The following CHODL variants were observed in gnomAD, a reference collection of about 807,000 sequenced individuals.
CHODL encodes the protein transmembrane protein MT75.
A neutral mutation model predicts 34.5 loss-of-function variants in CHODL; 29 were observed. The observed-to-expected ratio is 0.84, with a 90% confidence interval of 0.63 to 1.15. The LOEUF is 1.15. CHODL is among the 50% of genes most tolerant of loss of function. The pLI is 0.00. For missense variants in CHODL, 332 were observed against 332.5 expected, an observed-to-expected ratio of 1.00 and a Z score of 0.01; for synonymous variants, 125 against 116.1, an observed-to-expected ratio of 1.08 and a Z score of -0.49.
chr21:18,078,209 G>C (rs2064889955), intron 2 of CHODL, among the ~76,000 whole-genome samples: 1 of 152,086 alleles, frequency 6.6e-6, no homozygotes, highest in Non-Finnish European at 1.5e-5. Context: ...GAGGGTTGAG[G>C]GACTCACAGT....
chr21:18,028,984 A>G (rs1237150439), intron 2 of CHODL, among the ~76,000 whole-genome samples: 1 of 152,164 alleles, frequency 6.6e-6, no homozygotes, highest in African/African-American at 2.4e-5. Flanking sequence ...CTGGTTTAGA[A>G]TTGCACATGA....
At chr21:18,058,601 A>G (rs548825494) in intron 2 of CHODL, among the ~76,000 whole-genome samples, 1 of 152,302 alleles carries the variant, frequency 6.6e-6, no homozygotes, top group East Asian at 1.9e-4. Context: ...AGACAAATAA[A>G]TACCACAAGT....
At chr21:17,977,930 A>AAAAAAAAAAAAG (rs1157454717) in intron 1 of CHODL, among the ~76,000 whole-genome samples, 8 of 149,430 alleles carry the variant, frequency 5.4e-5, no homozygotes, top group African/African-American at 1.7e-4. Flanking sequence ...AAAAAAAAAA[A>AAAAAAAAAAAAG]AAAAGAAAAA....
intron 2 of CHODL, among the ~76,000 whole-genome samples, chr21:18,028,200 T>C (rs1416917546): frequency 6.8e-6 from 1 of 146,710 alleles, no homozygotes; most frequent in Non-Finnish European, 1.5e-5. Context: ...ATTATTTCCT[T>C]TAGCTCTTCC....
intron 2 of CHODL, among the ~76,000 whole-genome samples, chr21:18,236,910 GC>G (rs1351383909): frequency 6.6e-6 from 1 of 151,994 alleles, no homozygotes; most frequent in Non-Finnish European, 1.5e-5. Context: ...TTCCTAGTGT[GC>G]AAGACACTGT....
chr21:18,199,489 A>T (rs1026453897), intron 2 of CHODL, among the ~76,000 whole-genome samples: 2 of 152,122 alleles, frequency 1.3e-5, no homozygotes, highest in African/African-American at 2.4e-5. Context: ...ACTATGAACT[A>T]AAATCCATAG....
At chr21:18,139,471 A>AT in intron 2 of CHODL, among the ~76,000 whole-genome samples, 1 of 152,284 alleles carries the variant, frequency 6.6e-6, no homozygotes, top group African/African-American at 2.4e-5. Flanking sequence ...AATTCGAGGC[A>AT]TGAAAGCTCA....
intron 2 of CHODL, among the ~76,000 whole-genome samples, chr21:18,151,109 AG>A (rs2072962132): frequency 6.8e-6 from 1 of 147,934 alleles, no homozygotes; most frequent in South Asian, 2.1e-4. Context: ...AAAAAAAGAA[AG>A]AAATTCTCTG....
rs142137096 is a variant in CHODL, at chr21:18,193,167, A to G, written c.-44-63342A>G. On this transcript the variant is annotated intron_variant, in intron 2 of 6. Transcript: ENST00000400127. ...AGTATCTGTGAGAAGGGATAACCAC[A>G]GAAAAACAGAAGGACAAGTTGGCTA... 2.2e-3 allele frequency among the ~76,000 whole-genome samples: 336 copies of G among 152,334 alleles called. 1 individual carries two copies. Among genetic ancestry groups the G allele is most frequent in the African/African-American group, 7.9e-3 (328 of 41,584 alleles).
At chr21:18,011,415 G>A (rs1341442369) in intron 1 of CHODL, among the ~76,000 whole-genome samples, 1 of 152,124 alleles carries the variant, frequency 6.6e-6, no homozygotes, top group Non-Finnish European at 1.5e-5. Context: ...AAAATCTGAA[G>A]CTTGGGTTTT....
chr21:18,046,184 G>T (rs932494864), intron 2 of CHODL, among the ~76,000 whole-genome samples: 1 of 151,896 alleles, frequency 6.6e-6, no homozygotes, highest in Admixed American at 6.6e-5. Context: ...GCAGGCCAAC[G>T]CCAGATTCCA....
intron 1 of CHODL, among the ~76,000 whole-genome samples, chr21:17,969,751 G>A (rs940934684): frequency 1.3e-5 from 2 of 152,136 alleles, no homozygotes; most frequent in Non-Finnish European, 2.9e-5. Context: ...GCCTAAGAGA[G>A]TACTTTGAGG....
intron 2 of CHODL, among the ~76,000 whole-genome samples, chr21:18,035,845 G>A (rs948767129): frequency 6.6e-6 from 1 of 151,632 alleles, no homozygotes; most frequent in South Asian, 2.1e-4. Context: ...TTATTTTCTT[G>A]AATATATGAA....
intron 2 of CHODL, among the ~76,000 whole-genome samples, chr21:18,099,768 T>C (rs2065188865): frequency 6.6e-6 from 1 of 152,130 alleles, no homozygotes; most frequent in Non-Finnish European, 1.5e-5. Context: ...CTCCACACCA[T>C]TTTTTGAAGT....
At chr21:18,037,832 TA>T (rs889491572) in intron 2 of CHODL, among the ~76,000 whole-genome samples, 1 of 151,740 alleles carries the variant, frequency 6.6e-6, no homozygotes, top group Non-Finnish European at 1.5e-5. Flanking sequence ...ATACAAACTT[TA>T]AAAAAAATCA....
Position 18,256,705 on chromosome 21 carries a change from A to G in CHODL, c.276A>G (p.Thr92=), listed in dbSNP as rs549150011. The change falls in exon 2 of 6, where the codon ACA becomes ACG. Residue 92 remains threonine (T), a synonymous_variant. Transcript: ENST00000299295. ...TGCAAAACCTGACAAAACCCGGGAC[A>G]GGGATTTCTGATGGTGATTTCTGGA... ...SMLQNLTKPG[T]GISDGDFWIG... 4.1e-5 allele frequency: 66 copies of G among 1,614,090 alleles called. No homozygotes were observed. In the East Asian group the frequency reaches 1.2e-3, roughly 31 times the overall value.
intron 2 of CHODL, among the ~76,000 whole-genome samples, chr21:18,138,419 A>C (rs572365006): frequency 1.3e-5 from 2 of 152,328 alleles, no homozygotes; most frequent in South Asian, 4.1e-4. Flanking sequence ...TGACCATGAT[A>C]GAATTCCTAC....
chr21:18,028,047 C>G (rs1164726098), intron 2 of CHODL: 9 of 152,300 alleles, frequency 5.9e-5, no homozygotes, highest in Admixed American at 5.9e-4. Flanking sequence ...GACTAAGACA[C>G]AGTTCCTTTA....
At chr21:18,058,229 G>A (rs1327601392) in intron 2 of CHODL, among the ~76,000 whole-genome samples, 1 of 152,130 alleles carries the variant, frequency 6.6e-6, no homozygotes, top group Non-Finnish European at 1.5e-5. Context: ...AGGGAGAAAA[G>A]GGAACTCTTA....
Sources: gnomAD v4.1 joint callset for allele counts (sites outside exome capture counted in the v4.1 genomes callset) on GRCh38, gnomAD v4.1.1 for gene constraint, MANE v1.5 for transcripts, NCBI Gene and HGNC (gene_info 2026-07-23, HGNC 2026-07-21) for gene names.